PPP2R3A: variants seen among roughly 807,000 people sequenced by gnomAD.
PPP2R3A encodes the protein protein phosphatase 2 regulatory subunit B''alpha.
Under a neutral mutation model 106.9 loss-of-function variants are expected in PPP2R3A, and 80 were observed. That is an observed-to-expected ratio of 0.75 (90% CI 0.62 to 0.90). PPP2R3A has a LOEUF of 0.90. Among genes scored for constraint, PPP2R3A ranks in the 40% least tolerant of loss-of-function variants. The pLI is 0.00. For synonymous variants in PPP2R3A, 483 were observed against 468.3 expected (o/e 1.03, Z -0.41); for missense variants, 1,386 against 1,350.4 (o/e 1.03, Z -0.41).
chr3:136,145,168 T>A lies in PPP2R3A; in HGVS notation c.*2T>A. On this transcript the variant is annotated 3_prime_UTR_variant, in exon 14 of 14. Transcript: ENST00000264977. ...CTTCAATCAGTGGATGAAGAATAGCTGCCGGTGTCTACAATGAAACGAAGA... is the reference window on the plus strand; with the variant it reads ...CTTCAATCAGTGGATGAAGAATAGCAGCCGGTGTCTACAATGAAACGAAGA... 1.2e-6 allele frequency: 2 copies of A among 1,605,508 alleles called. No individual in the cohort carries two copies. The highest frequency in any genetic ancestry group is 1.7e-6 in the Non-Finnish European group (2 of 1,177,646).
chr3:136,141,651 C>T (rs1375782876), intron 13 of PPP2R3A, among the ~76,000 whole-genome samples: 1 of 152,176 alleles, frequency 6.6e-6, no homozygotes, highest in East Asian at 1.9e-4. Flanking sequence ...AAGATGAACA[C>T]AAGCTAGCCA....
At chr3:135,969,508 T>C (rs879485609) in intron 1 of PPP2R3A, among the ~76,000 whole-genome samples, 7 of 152,180 alleles carry the variant, frequency 4.6e-5, no homozygotes, top group Admixed American at 2.0e-4. Context: ...TGAGTTTAAA[T>C]CACAGTTTAC....
chr3:136,114,603 G>T (rs900577863), intron 13 of PPP2R3A, among the ~76,000 whole-genome samples: 2 of 152,150 alleles, frequency 1.3e-5, no homozygotes, highest in East Asian at 1.9e-4. Context: ...ATGCAGGGAG[G>T]GGGGTCCAGC....
At chr3:135,986,961 T>C (rs1304709622) in intron 1 of PPP2R3A, among the ~76,000 whole-genome samples, 1 of 152,176 alleles carries the variant, frequency 6.6e-6, no homozygotes, top group Non-Finnish European at 1.5e-5. Flanking sequence ...CTTCCCATTC[T>C]TTTTTTAACT....
chr3:136,119,233 AAGACTTAAAC>A (rs1392658253), intron 13 of PPP2R3A, among the ~76,000 whole-genome samples: 1 of 152,252 alleles, frequency 6.6e-6, no homozygotes, highest in Non-Finnish European at 1.5e-5. Flanking sequence ...AGACAGATTA[AAGACTTAAAC>A]GTAAGACCTA....
At chr3:136,062,170 TCTC>T (rs557736153) in intron 5 of PPP2R3A, among the ~76,000 whole-genome samples, 22 of 152,236 alleles carry the variant, frequency 1.4e-4, no homozygotes, top group Non-Finnish European at 2.8e-4. Flanking sequence ...AGAAAGTTTA[TCTC>T]CTTTATAAGT....
At chr3:136,064,053 G>A (rs919062460) in intron 5 of PPP2R3A, among the ~76,000 whole-genome samples, 12 of 151,822 alleles carry the variant, frequency 7.9e-5, no homozygotes, top group Non-Finnish European at 1.8e-4. Flanking sequence ...TTAAGAAAAT[G>A]TGGCACATAT....
intron 1 of PPP2R3A, among the ~76,000 whole-genome samples, chr3:135,999,812 C>T (rs537394190): frequency 1.6e-3 from 247 of 152,120 alleles, no homozygotes; most frequent in Admixed American, 4.3e-3. Flanking sequence ...CTCGCTCTGT[C>T]ACCCAGGCTG....
At chr3:136,026,438 A>C (rs1576443719) in intron 2 of PPP2R3A, among the ~76,000 whole-genome samples, 3 of 152,304 alleles carry the variant, frequency 2.0e-5, no homozygotes, top group East Asian at 3.9e-4. Flanking sequence ...CTGTTGAAAG[A>C]GAGGTAAAAG....
intron 2 of PPP2R3A, chr3:136,022,863 C>CA: frequency 1.5e-6 from 2 of 1,355,850 alleles, no homozygotes; most frequent in Non-Finnish European, 1.9e-6. Context: ...TTGGGAGCCA[C>CA]AGACTGTATT....
At chr3:136,124,750 G>C (rs1938122131) in intron 13 of PPP2R3A, among the ~76,000 whole-genome samples, 1 of 151,498 alleles carries the variant, frequency 6.6e-6, no homozygotes, top group Non-Finnish European at 1.5e-5. Context: ...AAAAGATAAA[G>C]GTTCAGCTAA....
rs16843694 is a variant in PPP2R3A, at chr3:136,098,647, C to T, written c.2928-3360C>T. Among the ~76,000 whole-genome samples, 722 of 152,208 alleles carry T rather than the reference C, an allele frequency of 4.7e-3. 37 individuals are homozygous for T. In the East Asian group the frequency reaches 0.12, roughly 25 times the overall value. On this transcript the variant is annotated intron_variant, in intron 10 of 13. Transcript: ENST00000264977. ...CCCTATTACCAATTAATGTTGTTGG[C>T]TTCATAAAGGAAATGAGAAATAATA...
chr3:136,128,340 CAAA>C (rs1156708467), intron 13 of PPP2R3A, among the ~76,000 whole-genome samples: 4 of 103,744 alleles, frequency 3.9e-5, no homozygotes, highest in Admixed American at 1.9e-4. Context: ...AAATGGAAAG[CAAA>C]AAAAAAAAAA....
rs1361973230 is a variant in PPP2R3A at position 136,145,595 on chromosome 3, AAAAGT to A, written c.*431_*435del. ...TGAGTCAGAAAATTCTGGAACTTGA[AAAAGT>A]AGTAAGGGCCTCCAGAATTGACTTA... On this transcript the variant is annotated 3_prime_UTR_variant, in exon 14 of 14. Coordinates refer to ENST00000264977, the MANE Select transcript of PPP2R3A (RefSeq NM_002718.5). 3 of 153,136 alleles carry A rather than the reference AAAAGT, an allele frequency of 2.0e-5. No individual in the cohort carries two copies. Among genetic ancestry groups the A allele is most frequent in the African/African-American group, 7.2e-5 (3 of 41,468 alleles). 9.5% of individuals were successfully genotyped at this position (153,136 alleles called of 1,614,324 possible).
chr3:136,097,037 A>G (rs1937232320), intron 10 of PPP2R3A, among the ~76,000 whole-genome samples: 1 of 152,244 alleles, frequency 6.6e-6, no homozygotes, highest in African/African-American at 2.4e-5. Context: ...CATTAATATC[A>G]TTATGCTTTG....
At chr3:136,016,375 ACCT>A (rs927664250) in intron 2 of PPP2R3A, among the ~76,000 whole-genome samples, 1 of 151,676 alleles carries the variant, frequency 6.6e-6, no homozygotes, top group Non-Finnish European at 1.5e-5. Context: ...TTGTTTGTTG[ACCT>A]CCTGATGTGA....
At chr3:136,048,847 T>C (rs1357947243) in intron 4 of PPP2R3A, among the ~76,000 whole-genome samples, 1 of 152,030 alleles carries the variant, frequency 6.6e-6, no homozygotes, top group Non-Finnish European at 1.5e-5. Context: ...AACAACATGG[T>C]AGTTGATAGG....
At position 136,136,063 on chromosome 3, in the gene PPP2R3A, AAAAAAAAAAATTATATAT is replaced by A. The variant is rs1394157681; in HGVS notation, c.3330-8978_3330-8961del. Among the ~76,000 whole-genome samples, 811 of 48,588 alleles carry A rather than the reference AAAAAAAAAAATTATATAT, an allele frequency of 0.017. 50 individuals are homozygous for A. The East Asian group carries it at 0.18, about 11-fold the overall frequency. The allele number at this position is 48,588 out of a possible 152,430, so 31.9% of individuals were successfully genotyped here. On this transcript the variant is annotated intron_variant, in intron 13 of 13. Transcript: ENST00000264977. ...TCCGTCTCAAAAAAAAAAAAAAAAA[AAAAAAAAAAATTATATAT>A]ATATATATATATAAAAAACATCATG...
chr3:136,101,123 G>A (rs1191718474), intron 10 of PPP2R3A, among the ~76,000 whole-genome samples: 2 of 152,204 alleles, frequency 1.3e-5, no homozygotes, highest in East Asian at 3.8e-4. Flanking sequence ...CCAGATTAGA[G>A]TAGGTCAGAA....
Sources: gnomAD v4.1 joint callset for allele counts (sites outside exome capture counted in the v4.1 genomes callset) on GRCh38, gnomAD v4.1.1 for gene constraint, MANE v1.5 for transcripts, NCBI Gene and HGNC (gene_info 2026-07-23, HGNC 2026-07-21) for gene names.